RIBC2: variants seen among roughly 807,000 people sequenced by gnomAD.
RIBC2 encodes RIB43A domain with coiled-coils 2.
Under a neutral mutation model 44.3 loss-of-function variants are expected in RIBC2, and 40 were observed. That is an observed-to-expected ratio of 0.90 (90% CI 0.70 to 1.18). The LOEUF (loss-of-function observed/expected upper bound fraction) is 1.18. RIBC2 is among the 50% of genes most tolerant of loss of function. The pLI, the probability that RIBC2 is intolerant of heterozygous loss-of-function variation, is 0.00. For synonymous variants in RIBC2, 171 were observed against 175.0 expected (o/e 0.98, Z 0.18); for missense variants, 459 against 485.5 (o/e 0.95, Z 0.51).
chr22:45,413,990 T>G lies in RIBC2; in HGVS notation c.104T>G (p.Phe35Cys), dbSNP rs560530447. Reference sequence around the variant, plus strand: ...GAGCTGTGCAGGCAGAAGCGGGTCTTCAACGCCAGAAACAGGATAATTGGG... The same window carrying G: ...GAGCTGTGCAGGCAGAAGCGGGTCTGCAACGCCAGAAACAGGATAATTGGG... ...HAELCRQKRVFNARNRIIGGD... is the reference protein window; with the variant it reads ...HAELCRQKRVCNARNRIIGGD... The change falls in exon 1 of 7, where the codon TTC becomes TGC. Residue 35 changes from phenylalanine (F) to cysteine (C), a missense_variant. By Grantham distance (205) the Phe-to-Cys change is radical (BLOSUM62 -2). Transcript: ENST00000614167. 1 of 1,551,564 alleles carries G rather than the reference T, an allele frequency of 6.4e-7. No homozygotes were observed. Among genetic ancestry groups the G allele is most frequent in the East Asian group, 2.4e-5 (1 of 40,910 alleles).
intron 5 of RIBC2, among the ~76,000 whole-genome samples, chr22:45,429,594 A>C (rs528555615): frequency 1.3e-5 from 2 of 152,098 alleles, no homozygotes; most frequent in African/African-American, 4.8e-5. Flanking sequence ...AGAGGTGCAC[A>C]TGTGTGGGAG....
At chr22:45,428,380 T>C (rs1002208952) in intron 5 of RIBC2, among the ~76,000 whole-genome samples, 1 of 152,166 alleles carries the variant, frequency 6.6e-6, no homozygotes, top group Non-Finnish European at 1.5e-5. Flanking sequence ...AAGTTTTTGT[T>C]TGTCTTGATT....
At chr22:45,421,125 G>T (rs892649390) in intron 3 of RIBC2, among the ~76,000 whole-genome samples, 1 of 151,850 alleles carries the variant, frequency 6.6e-6, no homozygotes, top group African/African-American at 2.4e-5. Context: ...GTGAAACCCT[G>T]TCTCTACTGA....
At chr22:45,422,181 C>T (rs2087491867) in intron 3 of RIBC2, 109 bp from the exon 4 acceptor site, 1 of 754,614 alleles carries the variant, frequency 1.3e-6, no homozygotes. Flanking sequence ...TTGTTCCCGT[C>T]CTCATGCTCA....
intron 2 of RIBC2, among the ~76,000 whole-genome samples, chr22:45,416,899 G>GTTTTT (rs34961526): frequency 8.3e-6 from 1 of 120,642 alleles, no homozygotes; most frequent in African/African-American, 3.3e-5. Flanking sequence ...GATTACTCAG[G>GTTTTT]TTTTTTTTTT....
intron 2 of RIBC2, among the ~76,000 whole-genome samples, chr22:45,416,866 G>A (rs2087429869): frequency 6.7e-6 from 1 of 148,872 alleles, no homozygotes; most frequent in African/African-American, 2.5e-5. Flanking sequence ...TTGTATGGGT[G>A]ATCATCCTTT....
chr22:45,424,453 C>T (rs2087514915), intron 4 of RIBC2, among the ~76,000 whole-genome samples: 1 of 152,262 alleles, frequency 6.6e-6, no homozygotes, highest in Non-Finnish European at 1.5e-5. Flanking sequence ...ATTTGATCAT[C>T]TGCAGAATGA....
chr22:45,429,847 C>T (rs1005450259), intron 5 of RIBC2, among the ~76,000 whole-genome samples: 2 of 152,148 alleles, frequency 1.3e-5, no homozygotes, highest in African/African-American at 2.4e-5. Context: ...GGGAAAAACA[C>T]ACATGAAACC....
At chr22:45,431,118 C>A (rs1370948180) in intron 6 of RIBC2, 52 bp downstream of exon 6, 13 of 1,543,920 alleles carry the variant, frequency 8.4e-6, no homozygotes, top group Non-Finnish European at 1.1e-5. Context: ...GGAGGGACCG[C>A]GGGGCTGTGG....
intron 5 of RIBC2, among the ~76,000 whole-genome samples, chr22:45,430,553 G>A (rs1043499693): frequency 6.6e-6 from 1 of 152,186 alleles, no homozygotes; most frequent in African/African-American, 2.4e-5. Context: ...GAGCCAGGGA[G>A]CCCCCTGAGG....
Position 45,431,079 on chromosome 22 carries a change from T to TGG in RIBC2, c.1070+15_1070+16dup, listed in dbSNP as rs1474251612. The TGG allele has an allele frequency of 1.3e-6, 2 of 1,563,648 alleles. No homozygotes were observed. The highest frequency in any genetic ancestry group is 4.8e-5 in the East Asian group (2 of 41,774). On this transcript the variant is annotated intron_variant, in intron 6 of 6. Coordinates refer to ENST00000614167, the MANE Select transcript of RIBC2 (RefSeq NM_015653.5). ...AGCAGCATTTGCAGTGAGTGCTGGG[T>TGG]GGGACCAGGGCCAGGTGGGGGACCG...
At chr22:45,421,615 GT>G (rs2087485957) in intron 3 of RIBC2, among the ~76,000 whole-genome samples, 1 of 143,084 alleles carries the variant, frequency 7.0e-6, no homozygotes, top group African/African-American at 2.5e-5. Context: ...TAATAATAAT[GT>G]TATTATTCTG....
At chr22:45,430,773 C>G (rs1484462471) in intron 5 of RIBC2, 127 bp from the exon 6 acceptor site, 2 of 1,215,178 alleles carry the variant, frequency 1.6e-6, no homozygotes, top group African/African-American at 3.1e-5. Context: ...CATCGGTCAC[C>G]TACCTGCTCG....
Position 45,432,417 on chromosome 22 carries a change from G to A in RIBC2, c.*55G>A, listed in dbSNP as rs2087589591. On this transcript the variant is annotated 3_prime_UTR_variant, in exon 7 of 7. Transcript: ENST00000614167. The stretch of plus-strand genomic sequence containing the variant: ...ACGTATAAAGAGTGGCTACCTTAAA[G>A]AGTCACGTTTCTTTTTTAAAGATAC... The A allele has an allele frequency of 3.4e-6, 4 of 1,193,492 alleles. No individual in the cohort carries two copies. In the African/African-American group the frequency reaches 6.1e-5, roughly 18 times the overall value. The allele number at this position is 1,193,492 out of a possible 1,614,324, so 73.9% of individuals were successfully genotyped here.
At chr22:45,427,981 C>G (rs1480468856) in intron 5 of RIBC2, among the ~76,000 whole-genome samples, 2 of 152,250 alleles carry the variant, frequency 1.3e-5, no homozygotes, top group Admixed American at 6.5e-5. Context: ...CTCCCACCTC[C>G]CCAGCACCCC....
chr22:45,430,821 G>A, intron 5 of RIBC2, 79 bp from the exon 6 acceptor site: 2 of 1,428,618 alleles, frequency 1.4e-6, no homozygotes, highest in Non-Finnish European at 1.9e-6. Context: ...TAGAATGAGA[G>A]GCCAGGCCTC....
intron 3 of RIBC2, among the ~76,000 whole-genome samples, chr22:45,421,332 TTAA>T (rs36123558): frequency 0.61 from 88,144 of 143,494 alleles, 29,314 homozygotes; most frequent in African/African-American, 0.87. Context: ...AATACTATTA[TTAA>T]TAATAATAAT....
rs879715212 is a variant in RIBC2, at chr22:45,422,622, G to T, written c.675+214G>T. 27 of 549,974 alleles carry T rather than the reference G, an allele frequency of 4.9e-5. No homozygotes were observed. The Admixed American group carries it at 6.9e-4, about 14-fold the overall frequency. 34.1% of individuals were successfully genotyped at this position (549,974 alleles called of 1,614,324 possible). On this transcript the variant is annotated intron_variant, in intron 4 of 6. Coordinates refer to ENST00000614167, the MANE Select transcript of RIBC2 (RefSeq NM_015653.5). ...AGCTCTGAATCTTGGAGGGAAACCT[G>T]CCAAACTAGCCATGTAACCTGGGGA...
chr22:45,415,368 G>A (rs968156564), intron 2 of RIBC2, among the ~76,000 whole-genome samples: 1 of 151,878 alleles, frequency 6.6e-6, no homozygotes, highest in Non-Finnish European at 1.5e-5. Flanking sequence ...ATGTTAGCAG[G>A]GTAATGTTGG....
Sources: allele counts gnomAD v4.1 joint callset (sites outside exome capture counted in the v4.1 genomes callset), GRCh38; gene constraint gnomAD v4.1.1; transcripts MANE v1.5; gene names NCBI Gene and HGNC (gene_info 2026-07-23, HGNC 2026-07-21).